FYB1: variants seen among roughly 807,000 people sequenced by gnomAD.
The protein encoded by FYB1 is FYN binding protein 1.
FYB1 carries 41 observed loss-of-function variants against 94.1 expected under a neutral mutation model. The observed-to-expected ratio is 0.44, with a 90% CI of 0.34 to 0.57. FYB1 has a LOEUF of 0.57. Among genes scored for constraint, FYB1 ranks in the 20% least tolerant of loss-of-function variants. The probability of loss-of-function intolerance (pLI) is 0.02; values close to 1 mark genes in which losing one functional copy is unlikely to be tolerated. For missense variants in FYB1, 1,050 were observed against 976.8 expected (o/e 1.07, Z -1.00); for synonymous variants, 367 against 353.2 (o/e 1.04, Z -0.44).
At chr5:39,219,296 CTT>C in intron 1 of FYB1, 145 bp downstream of exon 1, 1 of 365,448 alleles carries the variant, frequency 2.7e-6, no homozygotes, top group Non-Finnish European at 3.8e-6. Flanking sequence ...CTGTTCATCT[CTT>C]TTGCTATTTT....
At chr5:39,174,948 A>T (rs1422994361) in intron 2 of FYB1, among the ~76,000 whole-genome samples, 1 of 152,198 alleles carries the variant, frequency 6.6e-6, no homozygotes, top group Non-Finnish European at 1.5e-5. Flanking sequence ...TAGAGAAACC[A>T]GTGTCTCAGC....
chr5:39,248,526 G>A (rs534066509), intron 1 of FYB1, among the ~76,000 whole-genome samples: 130 of 152,210 alleles, frequency 8.5e-4, no homozygotes, highest in African/African-American at 3.1e-3. Flanking sequence ...AATGCTAAGT[G>A]AAATAAGCCA....
intron 3 of FYB1, among the ~76,000 whole-genome samples, chr5:39,142,010 A>G (rs1256540239): frequency 6.6e-6 from 1 of 152,136 alleles, no homozygotes; most frequent in East Asian, 1.9e-4. Context: ...ACTGCCCTTA[A>G]TAGCATTATC....
intron 10 of FYB1, 108 bp downstream of exon 10, chr5:39,130,482 G>T: frequency 2.3e-6 from 2 of 869,544 alleles, no homozygotes; most frequent in South Asian, 1.5e-5. Flanking sequence ...ACGCTGACTT[G>T]AACAATACAC....
chr5:39,152,187 T>C (rs1404639305), intron 3 of FYB1, among the ~76,000 whole-genome samples: 1 of 152,226 alleles, frequency 6.6e-6, no homozygotes, highest in Non-Finnish European at 1.5e-5. Context: ...CCCATTAATA[T>C]AAATGCACAA....
chr5:39,155,590 C>T (rs1177966547), intron 2 of FYB1, among the ~76,000 whole-genome samples: 2 of 152,154 alleles, frequency 1.3e-5, no homozygotes, highest in African/African-American at 4.8e-5. Context: ...ATTTCTGTCA[C>T]TACATTATCT....
intron 1 of FYB1, chr5:39,274,358 C>T (rs1041139835): frequency 6.6e-6 from 1 of 152,168 alleles, no homozygotes; most frequent in African/African-American, 2.4e-5. Flanking sequence ...ATTAATGTGC[C>T]TGGCTAAGAC....
chr5:39,231,155 A>AC (rs1561294010), intron 1 of FYB1, among the ~76,000 whole-genome samples: 2 of 117,758 alleles, frequency 1.7e-5, no homozygotes, highest in Admixed American at 8.1e-5. Flanking sequence ...AGCAAAAAAA[A>AC]AAAAAACAAA....
At chr5:39,129,619 C>G (rs1238121608) in intron 10 of FYB1, among the ~76,000 whole-genome samples, 2 of 151,766 alleles carry the variant, frequency 1.3e-5, no homozygotes, top group African/African-American at 4.8e-5. Context: ...AGCAAAATTC[C>G]CAAACAATCC....
intron 4 of FYB1, among the ~76,000 whole-genome samples, chr5:39,140,380 G>A (rs1439887752): frequency 1.3e-5 from 2 of 152,170 alleles, no homozygotes; most frequent in Admixed American, 1.3e-4. Flanking sequence ...AGCAAATAAA[G>A]TGCTCAAACT....
intron 1 of FYB1, among the ~76,000 whole-genome samples, chr5:39,215,318 C>A (rs1029851076): frequency 6.6e-5 from 10 of 151,928 alleles, no homozygotes; most frequent in Non-Finnish European, 1.3e-4. Flanking sequence ...ATAAAAAATC[C>A]ATTTGAGAAA....
chr5:39,213,958 T>A (rs1309071179), intron 1 of FYB1, among the ~76,000 whole-genome samples: 1 of 152,140 alleles, frequency 6.6e-6, no homozygotes, highest in African/African-American at 2.4e-5. Flanking sequence ...AAAATCAGAT[T>A]GATAACAATG....
At chr5:39,224,473 G>C (rs78664950), upstream of FYB1, among the ~76,000 whole-genome samples, 656 of 152,238 alleles carry the variant, frequency 4.3e-3, 3 homozygotes, top group Non-Finnish European at 6.5e-3. Flanking sequence ...CTGGAAGCTT[G>C]TTGTTGCCCT....
chr5:39,172,719 G>T (rs1745359896), intron 2 of FYB1, among the ~76,000 whole-genome samples: 1 of 151,862 alleles, frequency 6.6e-6, no homozygotes, highest in Admixed American at 6.6e-5. Flanking sequence ...CTGTTCATGT[G>T]TTAGTTCGCT....
chr5:39,263,512 T>G (rs925023194), intron 1 of FYB1, among the ~76,000 whole-genome samples: 2 of 152,026 alleles, frequency 1.3e-5, no homozygotes, highest in African/African-American at 2.4e-5. Flanking sequence ...CACTCAGGAC[T>G]ATGATTGGCC....
chr5:39,253,176 AT>A (rs760253633), intron 1 of FYB1, among the ~76,000 whole-genome samples: 1 of 152,222 alleles, frequency 6.6e-6, no homozygotes, highest in Non-Finnish European at 1.5e-5. Flanking sequence ...TGCAGTGGTA[AT>A]AAATAAGATA....
intron 2 of FYB1, among the ~76,000 whole-genome samples, chr5:39,157,858 T>G (rs10512710): frequency 6.6e-6 from 1 of 152,078 alleles, no homozygotes; most frequent in Non-Finnish European, 1.5e-5. Context: ...TTCTGGACAG[T>G]GCAGGATGGT....
chr5:39,224,220 TA>T (rs903424111), upstream of FYB1, among the ~76,000 whole-genome samples: 2 of 152,222 alleles, frequency 1.3e-5, no homozygotes, highest in African/African-American at 4.8e-5. Flanking sequence ...CTGTGCCAGA[TA>T]AAAGCCTCCA....
chr5:39,274,188 G>A (rs1469749198), intron 1 of FYB1, among the ~76,000 whole-genome samples: 2 of 152,182 alleles, frequency 1.3e-5, no homozygotes. Context: ...CTCCCAAAGT[G>A]CTGGGATTAC....
Sources: gnomAD v4.1 joint callset for allele counts (sites outside exome capture counted in the v4.1 genomes callset) on GRCh38, gnomAD v4.1.1 for gene constraint, MANE v1.5 for transcripts, NCBI Gene and HGNC (gene_info 2026-07-23, HGNC 2026-07-21) for gene names.